Variants in WWOX observed in about 807,000 individuals in gnomAD.
WWOX encodes the protein WW domain-containing oxidoreductase.
In WWOX, 69 loss-of-function variants were observed where a neutral mutation model predicts 46.2. The ratio of observed to expected loss-of-function variants is 1.49; its 90% confidence interval spans 1.23 to 1.82. The LOEUF is 1.82. WWOX is among the 40% of genes most tolerant of loss of function. The pLI is 0.00. For synonymous variants in WWOX, 359 were observed against 202.6 expected (o/e 1.77, Z -6.56); for missense variants, 919 against 542.6 (o/e 1.69, Z -6.89).
chr16:79,033,919 C>G (rs893445793), intron 8 of WWOX, among the ~76,000 whole-genome samples: 3 of 152,326 alleles, frequency 2.0e-5, no homozygotes, highest in East Asian at 1.9e-4. Flanking sequence ...AGCTGGCTGG[C>G]TAGACCATGT....
chr16:78,931,998 C>G (rs1246991898), intron 8 of WWOX, among the ~76,000 whole-genome samples: 1 of 152,226 alleles, frequency 6.6e-6, no homozygotes, highest in Non-Finnish European at 1.5e-5. Context: ...CCATTTAAGA[C>G]ATGTGTTTGC....
At chr16:78,655,714 C>A (rs1236752367) in intron 8 of WWOX, among the ~76,000 whole-genome samples, 1 of 152,114 alleles carries the variant, frequency 6.6e-6, no homozygotes, top group Admixed American at 6.5e-5. Context: ...TTACTATTTC[C>A]TGGCTGTGGT....
intron 8 of WWOX, among the ~76,000 whole-genome samples, chr16:78,979,702 C>G (rs2046644102): frequency 6.6e-6 from 1 of 152,130 alleles, no homozygotes; most frequent in Non-Finnish European, 1.5e-5. Context: ...GCCGTCCATG[C>G]TTGAGGCATG....
intron 8 of WWOX, among the ~76,000 whole-genome samples, chr16:78,532,760 G>T (rs760666715): frequency 1.3e-5 from 2 of 151,994 alleles, no homozygotes; most frequent in African/African-American, 2.4e-5. Context: ...GATTCCTTGA[G>T]ACTTATTTGC....
intron 8 of WWOX, among the ~76,000 whole-genome samples, chr16:79,114,596 G>A (rs914245114): frequency 2.6e-5 from 4 of 152,094 alleles, no homozygotes; most frequent in South Asian, 4.2e-4. Context: ...CGGAGGGAGC[G>A]CAGCGCCAGA....
intron 8 of WWOX, among the ~76,000 whole-genome samples, chr16:78,628,281 T>C (rs372171767): frequency 1.3e-5 from 2 of 152,320 alleles, no homozygotes; most frequent in East Asian, 1.9e-4. Flanking sequence ...TGCTAATGTT[T>C]CCTGAAGTTT....
chr16:78,390,646 A>G (rs959497892), intron 6 of WWOX, among the ~76,000 whole-genome samples: 1 of 152,224 alleles, frequency 6.6e-6, no homozygotes, highest in Non-Finnish European at 1.5e-5. Flanking sequence ...GGATAGGCAG[A>G]TGACAGTTTA....
intron 8 of WWOX, among the ~76,000 whole-genome samples, chr16:78,528,668 C>G (rs1296525094): frequency 6.6e-6 from 1 of 152,134 alleles, no homozygotes; most frequent in Non-Finnish European, 1.5e-5. Context: ...TTAGGTGCCT[C>G]TGGGCTTTTT....
intron 5 of WWOX, among the ~76,000 whole-genome samples, chr16:78,366,163 T>TAG (rs1365680761): frequency 6.6e-6 from 1 of 152,238 alleles, no homozygotes; most frequent in African/African-American, 2.4e-5. Flanking sequence ...GGTAAATTCC[T>TAG]AGAGATGCCA....
chr16:78,770,987 C>T (rs768626843), intron 8 of WWOX, among the ~76,000 whole-genome samples: 21 of 152,286 alleles, frequency 1.4e-4, no homozygotes, highest in Middle Eastern at 3.4e-3. Flanking sequence ...ACATTTGGAG[C>T]AGAGACATGA....
At chr16:78,862,383 C>T (rs1014347437) in intron 8 of WWOX, among the ~76,000 whole-genome samples, 2 of 151,202 alleles carry the variant, frequency 1.3e-5, no homozygotes, top group East Asian at 3.9e-4. Flanking sequence ...ATAGAGTATA[C>T]ATATACACAC....
At chr16:78,616,086 C>T (rs1006198098) in intron 8 of WWOX, among the ~76,000 whole-genome samples, 6 of 152,122 alleles carry the variant, frequency 3.9e-5, no homozygotes, top group Admixed American at 1.3e-4. Context: ...ATTAGCTATT[C>T]TTCTCACTTC....
chr16:78,665,385 A>G (rs904700829), intron 8 of WWOX, among the ~76,000 whole-genome samples: 1 of 152,174 alleles, frequency 6.6e-6, no homozygotes. Context: ...TAATTGAATT[A>G]TTATTATTGA....
At chr16:79,042,125 G>A (rs146438545) in intron 8 of WWOX, among the ~76,000 whole-genome samples, 4 of 152,086 alleles carry the variant, frequency 2.6e-5, no homozygotes, top group Non-Finnish European at 4.4e-5. Flanking sequence ...CTGCACCCAC[G>A]TTCCCCCGCC....
At chr16:78,436,590 C>T (rs1026722071) in intron 8 of WWOX, among the ~76,000 whole-genome samples, 1 of 152,276 alleles carries the variant, frequency 6.6e-6, no homozygotes, top group Non-Finnish European at 1.5e-5. Flanking sequence ...TAGGTTGATA[C>T]AGAAGTTATT....
chr16:79,017,844 G>T (rs185261397), intron 8 of WWOX, among the ~76,000 whole-genome samples: 181 of 152,238 alleles, frequency 1.2e-3, no homozygotes, highest in African/African-American at 4.3e-3. Context: ...ACATAAACAG[G>T]CTGGTGGGCT....
At chr16:78,310,484 C>T (rs1439709018) in intron 5 of WWOX, among the ~76,000 whole-genome samples, 1 of 152,202 alleles carries the variant, frequency 6.6e-6, no homozygotes, top group Non-Finnish European at 1.5e-5. Flanking sequence ...CAGATTGATG[C>T]CTTTGGCTGT....
At chr16:79,146,767 A>G (rs757234764) in intron 8 of WWOX, among the ~76,000 whole-genome samples, 6 of 152,268 alleles carry the variant, frequency 3.9e-5, no homozygotes, top group Non-Finnish European at 5.9e-5. Flanking sequence ...CTTACATTCT[A>G]GGAAGCGAAG....
At chr16:78,556,342 A>G (rs1440324436) in intron 8 of WWOX, among the ~76,000 whole-genome samples, 2 of 151,982 alleles carry the variant, frequency 1.3e-5, no homozygotes, top group Admixed American at 6.6e-5. Flanking sequence ...GCTGGCTGTC[A>G]GGATCTGGTT....
Sources: gnomAD v4.1 joint callset for allele counts (sites outside exome capture counted in the v4.1 genomes callset) on GRCh38, gnomAD v4.1.1 for gene constraint, MANE v1.5 for transcripts, NCBI Gene and HGNC (gene_info 2026-07-23, HGNC 2026-07-21) for gene names.